The following FAM91A1 variants were observed in gnomAD, a reference collection of about 807,000 sequenced individuals.
The protein encoded by FAM91A1 is protein FAM91A1.
In FAM91A1, 41 loss-of-function variants were observed where a neutral mutation model predicts 113.5. The observed-to-expected ratio is 0.36, with a 90% confidence interval of 0.28 to 0.47. FAM91A1 has a LOEUF of 0.47. Ranked by LOEUF, FAM91A1 falls within the 20% of genes least tolerant of loss-of-function variation. The probability of loss-of-function intolerance (pLI) is 1.00; values close to 1 mark genes in which losing one functional copy is unlikely to be tolerated. For missense variants in FAM91A1, 696 were observed against 1,001.2 expected (o/e 0.70, Z 4.11); for synonymous variants, 307 against 347.9 (o/e 0.88, Z 1.31).
chr8:123,779,769 A>T (rs1815074080), intron 6 of FAM91A1, among the ~76,000 whole-genome samples: 1 of 152,196 alleles, frequency 6.6e-6, no homozygotes, highest in African/African-American at 2.4e-5. Context: ...TACTTACAGT[A>T]AGTTTGTTCT....
At chr8:123,792,144 C>T (rs1335806390) in intron 15 of FAM91A1, among the ~76,000 whole-genome samples, 2 of 151,494 alleles carry the variant, frequency 1.3e-5, no homozygotes, top group African/African-American at 4.9e-5. Context: ...CACTGCACTC[C>T]AGCCTGGGTG....
intron 5 of FAM91A1, 101 bp from the exon 6 acceptor site, chr8:123,778,558 A>G (rs1418729246): frequency 1.4e-5 from 10 of 730,704 alleles, no homozygotes; most frequent in Non-Finnish European, 2.1e-5. Flanking sequence ...TTTTAAGAAG[A>G]TATTTATTTA....
intron 16 of FAM91A1, 132 bp from the exon 17 acceptor site, chr8:123,799,387 AC>A: frequency 1.3e-6 from 1 of 770,894 alleles, no homozygotes; most frequent in African/African-American, 1.8e-5. Flanking sequence ...TTTTAATGAA[AC>A]ATTTAAAGTT....
At position 123,809,033 on chromosome 8, in the gene FAM91A1, G is replaced by A; in HGVS notation, c.2261+17G>A. On this transcript the variant is annotated intron_variant, in intron 22 of 23. Coordinates refer to ENST00000334705, the MANE Select transcript of FAM91A1 (RefSeq NM_144963.4). ...AAAAGAGAGGTGAGGGTTTATATTC[G>A]CTGTCATATTTTCATATCAATTTTT... is the stretch of plus-strand genomic sequence containing the variant. The A allele has an allele frequency of 3.1e-6, 5 of 1,606,864 alleles. No individual in the cohort carries two copies. Among genetic ancestry groups the A allele is most frequent in the Non-Finnish European group, 4.3e-6 (5 of 1,176,074 alleles).
In FAM91A1 at chr8:123,799,724, T is replaced by G. The variant is rs746030443; in HGVS notation, c.1696-48T>G. The G allele has an allele frequency of 1.4e-5, 23 of 1,604,098 alleles. No individual in the cohort carries two copies. In the South Asian group the frequency reaches 2.5e-4, roughly 17 times the overall value. ...AGTATGCTAGATAATTTCTTAATAT[T>G]TTCCTTATTTCTGAATGCCATTTTA... On this transcript the variant is annotated intron_variant, in intron 17 of 23. Transcript: ENST00000334705.
At chr8:123,788,319 G>A (rs1394714221) in intron 14 of FAM91A1, 9 of 869,154 alleles carry the variant, frequency 1.0e-5, no homozygotes, top group Middle Eastern at 5.9e-4. Flanking sequence ...TTCATTCTTC[G>A]GATATTTTAT....
At chr8:123,796,792 G>A (rs886483487) in intron 15 of FAM91A1, among the ~76,000 whole-genome samples, 2 of 149,538 alleles carry the variant, frequency 1.3e-5, no homozygotes, top group African/African-American at 4.9e-5. Context: ...GGCTGGGCGC[G>A]ATGACTCATG....
At chr8:123,785,957 A>G (rs1216431563) in intron 11 of FAM91A1, 3 of 473,318 alleles carry the variant, frequency 6.3e-6, no homozygotes, top group Admixed American at 2.7e-5. Context: ...AGTGGGGACT[A>G]TAGGTGTGCA....
chr8:123,793,510 C>T (rs1416569401), intron 15 of FAM91A1, among the ~76,000 whole-genome samples: 1 of 152,174 alleles, frequency 6.6e-6, no homozygotes, highest in Non-Finnish European at 1.5e-5. Flanking sequence ...ATTATTGTCT[C>T]TCAATTATTT....
chr8:123,803,847 A>G (rs1815742993), intron 18 of FAM91A1, among the ~76,000 whole-genome samples: 1 of 152,204 alleles, frequency 6.6e-6, no homozygotes, highest in Non-Finnish European at 1.5e-5. Context: ...CTTTGGATAT[A>G]TCAGGGTTTC....
At position 123,768,685 on chromosome 8, in the gene FAM91A1, G is replaced by T. The variant is rs1814765047; in HGVS notation, c.-18G>T. On this transcript the variant is annotated 5_prime_UTR_variant, in exon 1 of 24. Transcript: ENST00000334705. Reference sequence around the variant, plus strand: ...GGTCGCGGTGGCGGCCCCGGCCGCCGGCCCTGGCCGCGGCATCATGAACAT... The same window carrying T: ...GGTCGCGGTGGCGGCCCCGGCCGCCTGCCCTGGCCGCGGCATCATGAACAT... 6.6e-7 allele frequency: 1 copy of T among 1,522,752 alleles called. No individual in the cohort carries two copies. Among genetic ancestry groups the T allele is most frequent in the Non-Finnish European group, 8.8e-7 (1 of 1,137,480 alleles). The allele number at this position is 1,522,752 out of a possible 1,614,324, so 94.3% of individuals were successfully genotyped here.
At chr8:123,796,081 G>A (rs538606128) in intron 15 of FAM91A1, among the ~76,000 whole-genome samples, 4 of 152,240 alleles carry the variant, frequency 2.6e-5, no homozygotes, top group East Asian at 3.9e-4. Flanking sequence ...GTTAACCCAC[G>A]CAGAACCCGC....
intron 20 of FAM91A1, 97 bp from the exon 21 acceptor site, chr8:123,808,175 A>G: frequency 7.5e-6 from 7 of 936,914 alleles, no homozygotes; most frequent in Non-Finnish European, 9.6e-6. Flanking sequence ...TGTCATCATT[A>G]CTATTGTCTG....
chr8:123,806,427 G>C (rs1247584577), intron 20 of FAM91A1, among the ~76,000 whole-genome samples, 198 bp downstream of exon 20: 1 of 152,124 alleles, frequency 6.6e-6, no homozygotes, highest in Non-Finnish European at 1.5e-5. Context: ...AATAGGATTG[G>C]GGTACAGAAT....
chr8:123,786,450 T>C (rs1466917211), intron 11 of FAM91A1, 45 bp from the exon 12 acceptor site: 1 of 1,288,736 alleles, frequency 7.8e-7, no homozygotes, highest in African/African-American at 1.5e-5. Context: ...TAATGTAAGG[T>C]CATTTATATG....
chr8:123,768,819 C>T lies in FAM91A1; in HGVS notation c.72+45C>T, dbSNP rs778221631. 1.4e-5 allele frequency: 22 copies of T among 1,585,784 alleles called. 1 individual carries two copies. In the South Asian group the frequency reaches 2.1e-4, roughly 15 times the overall value. Reference sequence around the variant, plus strand: ...CCGGGCCCCTGACGGATTCGGCCCGCCCAGCGGTCACCTGCTTGCCTCGCT... The same window carrying T: ...CCGGGCCCCTGACGGATTCGGCCCGTCCAGCGGTCACCTGCTTGCCTCGCT... On this transcript the variant is annotated intron_variant, in intron 1 of 23. Transcript: ENST00000334705.
In FAM91A1 at chr8:123,801,800, A is replaced by ATT. The variant is rs201265186; in HGVS notation, c.1809+1927_1809+1928dup. On this transcript the variant is annotated intron_variant, in intron 18 of 23. Transcript: ENST00000334705. ...AGCATGATTAAATCTCTGGGCAAGG[A>ATT]TTTTTTTTTTTTTCTTTTTTCTTTG... Among the ~76,000 whole-genome samples, 101 of 146,684 alleles carry ATT rather than the reference A, an allele frequency of 6.9e-4. No individual in the cohort carries two copies. In the East Asian group the frequency reaches 8.3e-3, roughly 12 times the overall value.
Position 123,778,077 on chromosome 8 carries a change from G to C in FAM91A1, c.420G>C (p.Gln140His). The C allele has an allele frequency of 6.2e-7, 1 of 1,612,054 alleles. No individual in the cohort carries two copies. The highest frequency in any genetic ancestry group is 8.5e-7 in the Non-Finnish European group (1 of 1,178,912). Residue 140 changes from glutamine to histidine, a missense_variant, in exon 5 of 24, where the codon CAG becomes CAC. By Grantham distance (24) the Gln-to-His change is conservative. Transcript: ENST00000334705. ...ACCAGTATATTGATCTTATGAATCAGTGTAGATCATCAAAAGTAAGTTAGT... is the reference window on the plus strand; with the variant it reads ...ACCAGTATATTGATCTTATGAATCACTGTAGATCATCAAAAGTAAGTTAGT... ...GRNQYIDLMN[Q>H]CRSSKKFFRR...
chr8:123,810,381 C>T lies in FAM91A1; in HGVS notation c.2331+30C>T, dbSNP rs1251477201. 3.8e-6 allele frequency: 6 copies of T among 1,594,120 alleles called. No individual in the cohort carries two copies. The African/African-American group carries it at 5.4e-5, about 14-fold the overall frequency. ...CAAAAACCAAAAAGTCCAAATGGTA[C>T]TTGTACTGAGCTTTAAGTATGCACA... On this transcript the variant is annotated intron_variant, in intron 23 of 23. Coordinates refer to ENST00000334705, the MANE Select transcript of FAM91A1 (RefSeq NM_144963.4).
Sources: gnomAD v4.1 joint callset for allele counts (sites outside exome capture counted in the v4.1 genomes callset) on GRCh38, gnomAD v4.1.1 for gene constraint, MANE v1.5 for transcripts, NCBI Gene and HGNC (gene_info 2026-07-23, HGNC 2026-07-21) for gene names.